BCAN: variants seen among roughly 807,000 people sequenced by gnomAD.
The protein encoded by BCAN is brevican.
Under a neutral mutation model 92.4 loss-of-function variants are expected in BCAN, and 51 were observed. That is an observed-to-expected ratio of 0.55 (90% CI 0.44 to 0.70). The LOEUF (loss-of-function observed/expected upper bound fraction) is 0.70. Among genes scored for constraint, BCAN ranks in the 30% least tolerant of loss-of-function variants. BCAN has a pLI of 0.00. For missense variants in BCAN, 1,140 were observed against 1,212.1 expected (o/e 0.94, Z 0.88); for synonymous variants, 501 against 505.2 (o/e 0.99, Z 0.11).
Position 156,648,041 on chromosome 1 carries a change from G to C in BCAN, c.700G>C (p.Val234Leu). 1 of 1,614,064 alleles carries C rather than the reference G, an allele frequency of 6.2e-7. No homozygotes were observed. The highest frequency in any genetic ancestry group is 8.5e-7 in the Non-Finnish European group (1 of 1,179,986). ...CYGDMDGFPGVRNYGVVDPDD... is the reference protein window; with the variant it reads ...CYGDMDGFPGLRNYGVVDPDD... ...CGGAGACATGGATGGCTTCCCCGGG[G>C]TCCGGAACTATGGTGTGGTGGACCC... The change falls in exon 5 of 14, where the codon GTC becomes CTC. Residue 234 changes from valine to leucine, a missense_variant. Coordinates refer to ENST00000329117, the MANE Select transcript of BCAN (RefSeq NM_021948.5).
intron 8 of BCAN, 33 bp from the exon 9 acceptor site, chr1:156,656,249 G>C: frequency 7.0e-7 from 1 of 1,424,808 alleles, no homozygotes; most frequent in Non-Finnish European, 9.2e-7. Flanking sequence ...CGGCTGCCTC[G>C]CTCCCCCCGC....
In BCAN at chr1:156,647,234, C is replaced by T; in HGVS notation, c.466+59C>T. On this transcript the variant is annotated intron_variant, in intron 3 of 13. Transcript: ENST00000329117. The surrounding 1 kb of genome is among the most constrained non-coding windows in gnomAD (Gnocchi z 4.8). ...GGAGGGAGGGAAGGGAGGACTCTTG[C>T]CTTCGGGGATCCCACAGTGTGAGAG... 6.8e-7 allele frequency: 1 copy of T among 1,463,786 alleles called. No homozygotes were observed. Among genetic ancestry groups the T allele is most frequent in the South Asian group, 1.4e-5 (1 of 69,750 alleles). The allele number at this position is 1,463,786 out of a possible 1,614,324, so 90.7% of individuals were successfully genotyped here. A position where few individuals can be genotyped will look rare whatever the true frequency, so the allele number is the denominator to read the frequency against.
At chr1:156,653,615 C>A in intron 8 of BCAN, 1 of 912,748 alleles carries the variant, frequency 1.1e-6, no homozygotes, top group South Asian at 5.1e-5. Context: ...CTTCCTTTTT[C>A]ATTTTCGGCT....
Position 156,656,340 on chromosome 1 carries a change from G to A in BCAN, c.2001G>A (p.Gly667=), listed in dbSNP as rs745726836. The change falls in exon 9 of 14, where the codon GGG becomes GGA. Residue 667 remains glycine (G), a synonymous_variant. Transcript: ENST00000329117. ...GGACATGCTTGGAGGAGGAGGAAGG[G>A]GTCCGCTGCCTATGTCTGCCTGGCT... ...NGGTCLEEEE[G]VRCLCLPGYG... is the part of the protein sequence containing the mutation. 3.5e-6 allele frequency: 5 copies of A among 1,424,766 alleles called. No individual in the cohort carries two copies. The South Asian group carries it at 7.6e-5, about 22-fold the overall frequency. 88.3% of individuals were successfully genotyped at this position (1,424,766 alleles called of 1,614,324 possible).
rs200321248 is a variant in BCAN, at chr1:156,647,538, C to T, written c.497C>T (p.Ala166Val). 13 of 1,596,480 alleles carry T rather than the reference C, an allele frequency of 8.1e-6. No homozygotes were observed. In the East Asian group the frequency reaches 2.5e-4, roughly 30 times the overall value. ...GTCTTTCTCTACCGAGAGGGCTCTG[C>T]CCGCTATGCTTTCTCCTTTTCTGGG... ...GVVFLYREGS[A>V]RYAFSFSGAQ... Residue 166 changes from alanine to valine, a missense_variant, in exon 4 of 14, where the codon GCC (alanine) becomes GTC (valine). Coordinates refer to ENST00000329117, the MANE Select transcript of BCAN (RefSeq NM_021948.5). The surrounding 1 kb of genome is among the most constrained non-coding windows in gnomAD (Gnocchi z 4.8).
At chr1:156,646,012 T>C in intron 1 of BCAN, 35 bp from the exon 2 acceptor site, 1 of 1,579,358 alleles carries the variant, frequency 6.3e-7, no homozygotes, top group South Asian at 1.1e-5. Context: ...TCCTGAAGTC[T>C]AACCCCATCT....
intron 8 of BCAN, among the ~76,000 whole-genome samples, chr1:156,654,388 G>A (rs776498128): frequency 3.9e-5 from 6 of 152,180 alleles, no homozygotes; most frequent in Non-Finnish European, 8.8e-5. Flanking sequence ...ATAGGGAGGG[G>A]GTTTGGTGGG....
chr1:156,656,749 G>A (rs957006025), intron 9 of BCAN, 189 bp from the exon 10 acceptor site: 3 of 725,690 alleles, frequency 4.1e-6, no homozygotes, highest in South Asian at 4.8e-5. Context: ...AGGCACCAGC[G>A]CCCCTGCCCA....
In BCAN at chr1:156,658,941, C is replaced by A. The variant is rs541409762; in HGVS notation, c.2629-86C>A. 1 of 1,386,182 alleles carries A rather than the reference C, an allele frequency of 7.2e-7. No individual in the cohort carries two copies. 85.9% of individuals were successfully genotyped at this position (1,386,182 alleles called of 1,614,324 possible). ...CATGCAGCCCCATTCTGGGCTCTTA[C>A]GGGCTGAGCAAGAACATCAGAGGGC... On this transcript the variant is annotated intron_variant, in intron 13 of 13. Coordinates refer to ENST00000329117, the MANE Select transcript of BCAN (RefSeq NM_021948.5). This position sits in a 1 kb window ranked among gnomAD's most constrained non-coding sequence, Gnocchi z 4.4.
chr1:156,657,053 T>A lies in BCAN; in HGVS notation c.2166T>A (p.His722Gln). 1 of 1,614,138 alleles carries A rather than the reference T, an allele frequency of 6.2e-7. No individual in the cohort carries two copies. The highest frequency in any genetic ancestry group is 8.5e-7 in the Non-Finnish European group (1 of 1,180,018). ...CCCAGTGCCGGATGTACGGCGCGCA[T>A]CTGGCCAGCATCAGCACACCCGAGG... is the stretch of plus-strand genomic sequence containing the variant. ...AETQCRMYGA[H>Q]LASISTPEEQ... The change falls in exon 10 of 14, where the codon CAT becomes CAA. Residue 722 changes from histidine to glutamine, a missense_variant. Coordinates refer to ENST00000329117, the MANE Select transcript of BCAN (RefSeq NM_021948.5).
intron 1 of BCAN, among the ~76,000 whole-genome samples, chr1:156,645,303 C>T (rs964818605): frequency 1.3e-5 from 2 of 152,102 alleles, no homozygotes; most frequent in East Asian, 1.9e-4. Context: ...CCAAGAGTTC[C>T]GGTGGGAAAG....
rs761822025 is a variant in BCAN at position 156,646,933 on chromosome 1, C to T, written c.224C>T (p.Pro75Leu). The stretch of plus-strand genomic sequence containing the variant: ...AGCCGCCGGGCTGTGCTGGGCTCTC[C>T]GCGGGTCAAGTGGACTTTCCTGTCC... ...PPSRRAVLGS[P>L]RVKWTFLSRG... The change falls in exon 3 of 14, where the codon CCG (proline) becomes CTG (leucine). Residue 75 changes from proline (P) to leucine (L), a missense_variant. Transcript: ENST00000329117. 6.2e-6 allele frequency: 10 copies of T among 1,612,516 alleles called. No individual in the cohort carries two copies. The highest frequency in any genetic ancestry group is 1.7e-5 in the Admixed American group (1 of 59,958).
Position 156,652,366 on chromosome 1 carries a change from G to T in BCAN, c.1416G>T (p.Glu472Asp). Residue 472 changes from glutamate to aspartate, a missense_variant, in exon 8 of 14, where the codon GAG becomes GAT. Physicochemically the swap from Glu to Asp is conservative, Grantham distance 45 (BLOSUM62 2). Coordinates refer to ENST00000329117, the MANE Select transcript of BCAN (RefSeq NM_021948.5). ...AGAAAGAGGAGGAAGAAGAAGAGGA[G>T]GAGGTGGAGGATGAGGCTCTGTGGG... Reference protein sequence around the residue: ...EEEKEEEEEEEEVEDEALWAW... With the variant: ...EEEKEEEEEEDEVEDEALWAW... 6.2e-7 allele frequency: 1 copy of T among 1,613,030 alleles called. No individual in the cohort carries two copies. Among genetic ancestry groups the T allele is most frequent in the African/African-American group, 1.3e-5 (1 of 75,006 alleles).
At chr1:156,656,584 G>T (rs138519671) in intron 9 of BCAN, 195 bp downstream of exon 9, 162 of 453,004 alleles carry the variant, frequency 3.6e-4, no homozygotes, top group African/African-American at 2.8e-3. Flanking sequence ...CTCATAGGGG[G>T]TCCATTTGAG....
intron 10 of BCAN, 66 bp from the exon 11 acceptor site, chr1:156,657,609 C>T (rs1679378647): frequency 5.0e-6 from 7 of 1,405,308 alleles, no homozygotes; most frequent in East Asian, 2.4e-5. Context: ...CCGCAGACCG[C>T]CCGGGAGCGG....
Position 156,646,999 on chromosome 1 carries a change from G to A in BCAN, c.290G>A (p.Arg97His), listed in dbSNP as rs138687652. 52 of 1,612,992 alleles carry A rather than the reference G, an allele frequency of 3.2e-5. No individual in the cohort carries two copies. The highest frequency in any genetic ancestry group is 2.1e-4 in the African/African-American group (16 of 75,038). The change falls in exon 3 of 14, where the codon CGC (arginine) becomes CAC (histidine). Residue 97 changes from arginine to histidine, a missense_variant. Around this residue, in one of 3 missense-constraint regions of BCAN, gnomAD observed 286 missense variants for 284.1 expected, o/e 1.01. Transcript: ENST00000329117. ...EAEVLVARGV[R>H]VKVNEAYRFR... ...GAGGTGCTGGTGGCGCGGGGAGTGC[G>A]CGTCAAGGTGAACGAGGCCTACCGG...
intron 9 of BCAN, chr1:156,656,700 G>T (rs1417318734): frequency 8.8e-6 from 5 of 568,772 alleles, no homozygotes; most frequent in Non-Finnish European, 1.5e-5. Context: ...GACCCAGGCC[G>T]GAACTCCATC....
rs1679456667 is a variant in BCAN, at chr1:156,659,447, T to C, written c.*313T>C. ...TAGGGAGCACTGTGCCCACTCTTTC[T>C]GGGTTTTCCAAGGGAATGGGCTTGC... On this transcript the variant is annotated 3_prime_UTR_variant, in exon 14 of 14. Coordinates refer to ENST00000329117, the MANE Select transcript of BCAN (RefSeq NM_021948.5). 1.2e-5 allele frequency: 4 copies of C among 335,020 alleles called. No homozygotes were observed. The highest frequency in any genetic ancestry group is 2.2e-5 in the Non-Finnish European group (4 of 185,732). 20.8% of individuals were successfully genotyped at this position (335,020 alleles called of 1,614,324 possible). A position where few individuals can be genotyped will look rare whatever the true frequency, so the allele number is the denominator to read the frequency against.
chr1:156,654,970 C>G (rs1219126292), intron 8 of BCAN, among the ~76,000 whole-genome samples: 1 of 152,234 alleles, frequency 6.6e-6, no homozygotes, highest in Non-Finnish European at 1.5e-5. Context: ...AGCTTCTCCT[C>G]TCTCCACCCC....
Sources: allele counts gnomAD v4.1 joint callset (sites outside exome capture counted in the v4.1 genomes callset), GRCh38; gene constraint gnomAD v4.1.1; regional missense constraint gnomAD v4.1.1; non-coding constraint Gnocchi (gnomAD v3.1); transcripts MANE v1.5; gene names NCBI Gene and HGNC (gene_info 2026-07-23, HGNC 2026-07-21).